The following LPAR1 variants were observed in gnomAD, a reference collection of about 807,000 sequenced individuals.
LPAR1 encodes LPA receptor 1.
A neutral mutation model predicts 23.8 loss-of-function variants in LPAR1; 5 were observed. The ratio of observed to expected loss-of-function variants is 0.21; its 90% CI spans 0.11 to 0.44. The LOEUF is 0.44. Ranked by LOEUF, LPAR1 falls within the 20% of genes least tolerant of loss-of-function variation. LPAR1 has a pLI of 0.99. For missense variants in LPAR1, 311 were observed against 482.8 expected, an observed-to-expected ratio of 0.64 and a Z score of 3.33; for synonymous variants, 160 against 164.7, an observed-to-expected ratio of 0.97 and a Z score of 0.22.
chr9:110,998,331 T>C (rs901800888), intron 2 of LPAR1, among the ~76,000 whole-genome samples: 2 of 152,232 alleles, frequency 1.3e-5, no homozygotes, highest in Admixed American at 1.3e-4. Flanking sequence ...AAATTTGGAA[T>C]TTTATTAAAT....
At chr9:110,933,728 T>C (rs1254900475) in intron 5 of LPAR1, among the ~76,000 whole-genome samples, 1 of 152,212 alleles carries the variant, frequency 6.6e-6, no homozygotes, top group Non-Finnish European at 1.5e-5. Context: ...CCAACATTCA[T>C]ATTTGGATGA....
At chr9:110,953,043 T>G (rs2136771621) in intron 4 of LPAR1, among the ~76,000 whole-genome samples, 1 of 152,310 alleles carries the variant, frequency 6.6e-6, no homozygotes, top group African/African-American at 2.4e-5. Context: ...CCTCCCAGCC[T>G]GTTGCAGCCA....
chr9:110,945,699 C>T (rs955358355), intron 4 of LPAR1, among the ~76,000 whole-genome samples: 2 of 152,150 alleles, frequency 1.3e-5, no homozygotes, highest in South Asian at 4.1e-4. Context: ...ACCGGGAAGG[C>T]AAAGCTCTGT....
chr9:110,988,977 A>G (rs1163475342), intron 2 of LPAR1, among the ~76,000 whole-genome samples: 1 of 152,192 alleles, frequency 6.6e-6, no homozygotes, highest in East Asian at 1.9e-4. Flanking sequence ...AGAAAGATAC[A>G]TACTACAACA....
At chr9:111,015,120 G>A in intron 2 of LPAR1, among the ~76,000 whole-genome samples, 1 of 152,090 alleles carries the variant, frequency 6.6e-6, no homozygotes. Flanking sequence ...GGCCTCAGAA[G>A]AAAACAGTCC....
At chr9:110,942,374 T>A (rs1034485809) in intron 4 of LPAR1, among the ~76,000 whole-genome samples, 6 of 152,166 alleles carry the variant, frequency 3.9e-5, no homozygotes, top group African/African-American at 1.4e-4. Flanking sequence ...TAAAGGCAGT[T>A]GGAGTTAAAT....
intron 4 of LPAR1, among the ~76,000 whole-genome samples, chr9:110,966,468 G>C (rs925243017): frequency 6.9e-6 from 1 of 145,564 alleles, no homozygotes; most frequent in African/African-American, 2.5e-5. Context: ...AACAGAGTGA[G>C]ACTCCATCTC....
At chr9:111,025,628 G>C (rs185241831) in intron 2 of LPAR1, among the ~76,000 whole-genome samples, 13 of 152,142 alleles carry the variant, frequency 8.5e-5, no homozygotes, top group African/African-American at 2.7e-4. Flanking sequence ...GCCCATGCCT[G>C]TGTCCTGAAT....
chr9:110,976,446 A>T (rs1232691840), intron 2 of LPAR1, among the ~76,000 whole-genome samples: 2 of 152,100 alleles, frequency 1.3e-5, no homozygotes, highest in Non-Finnish European at 2.9e-5. Context: ...CAGAAGTTGC[A>T]GTGAGCCGAG....
chr9:110,909,777 G>A (rs1461857226), intron 5 of LPAR1, among the ~76,000 whole-genome samples: 5 of 139,102 alleles, frequency 3.6e-5, no homozygotes, highest in African/African-American at 1.4e-4. Flanking sequence ...AGAGGGTCTG[G>A]CTCTGTTGCC....
At position 110,896,888 on chromosome 9, in the gene LPAR1, T is replaced by C. The variant is rs914715252; in HGVS notation, c.794-21166A>G. Among the ~76,000 whole-genome samples the C allele has an allele frequency of 2.5e-3, 372 of 150,128 alleles. 2 individuals carry two copies. Among genetic ancestry groups the C allele is most frequent in the Non-Finnish European group, 4.2e-3 (287 of 67,618 alleles). ...CTGCAAGCTCCGCCTCCCAGGTTCA[T>C]GCCATTCTCCTGCCTCAGCCTCCCG... On this transcript the variant is annotated intron_variant, in intron 5 of 5. Coordinates refer to ENST00000683809, the MANE Select transcript of LPAR1 (RefSeq NM_001351411.2).
chr9:110,950,031 A>T (rs955640604), intron 4 of LPAR1, among the ~76,000 whole-genome samples: 24 of 152,326 alleles, frequency 1.6e-4, no homozygotes, highest in African/African-American at 5.5e-4. Context: ...TAATTAGAAG[A>T]TAATTAATTT....
intron 5 of LPAR1, among the ~76,000 whole-genome samples, chr9:110,935,309 T>TG (rs1244807229): frequency 1.3e-5 from 2 of 152,028 alleles, no homozygotes; most frequent in Non-Finnish European, 2.9e-5. Flanking sequence ...TCAATTAACC[T>TG]GGGGGTCTCG....
At chr9:110,989,599 A>C (rs1395107324) in intron 2 of LPAR1, among the ~76,000 whole-genome samples, 1 of 152,196 alleles carries the variant, frequency 6.6e-6, no homozygotes, top group East Asian at 1.9e-4. Flanking sequence ...TGAATCAACC[A>C]CTAAAAATAA....
At chr9:111,020,905 G>T (rs1051350357) in intron 2 of LPAR1, among the ~76,000 whole-genome samples, 6 of 152,128 alleles carry the variant, frequency 3.9e-5, no homozygotes, top group African/African-American at 1.4e-4. Flanking sequence ...TGGACTTCCT[G>T]AGTAAATATT....
chr9:111,018,026 C>A (rs933706432), intron 2 of LPAR1, among the ~76,000 whole-genome samples: 18 of 151,526 alleles, frequency 1.2e-4, no homozygotes, highest in Non-Finnish European at 2.1e-4. Context: ...TAAAAAAAAA[C>A]AAAACAAACA....
At position 110,901,229 on chromosome 9, in the gene LPAR1, G is replaced by A. The variant is rs114922548; in HGVS notation, c.794-25507C>T. ...ACAAGAGGCGATTAGGAAGAAGGCA[G>A]AAGGAGAAGTCGTGGCCTAAAGATA... On this transcript the variant is annotated intron_variant, in intron 5 of 5. Transcript: ENST00000683809. Among the ~76,000 whole-genome samples the A allele has an allele frequency of 5.6e-3, 851 of 152,292 alleles. 6 individuals carry two copies. Among genetic ancestry groups the A allele is most frequent in the African/African-American group, 0.019 (792 of 41,558 alleles).
At chr9:111,014,812 T>C (rs982494585) in intron 2 of LPAR1, among the ~76,000 whole-genome samples, 4 of 152,190 alleles carry the variant, frequency 2.6e-5, no homozygotes, top group South Asian at 4.2e-4. Flanking sequence ...ACATACTCCA[T>C]AGGGTTTGCA....
At chr9:111,004,765 T>C (rs1189539386) in intron 2 of LPAR1, among the ~76,000 whole-genome samples, 1 of 152,202 alleles carries the variant, frequency 6.6e-6, no homozygotes, top group Non-Finnish European at 1.5e-5. Context: ...CCTTAGGCCA[T>C]CTTATCCATA....
Sources: allele counts gnomAD v4.1 joint callset (sites outside exome capture counted in the v4.1 genomes callset), GRCh38; gene constraint gnomAD v4.1.1; transcripts MANE v1.5; gene names NCBI Gene and HGNC (gene_info 2026-07-23, HGNC 2026-07-21).